LCOR: variants seen among roughly 807,000 people sequenced by gnomAD.
LCOR encodes the protein ligand-dependent corepressor.
Under a neutral mutation model 64.4 loss-of-function variants are expected in LCOR, and 14 were observed. The ratio of observed to expected loss-of-function variants is 0.22; its 90% CI spans 0.14 to 0.34. LCOR has a LOEUF of 0.34. LCOR is among the 10% of genes least tolerant of loss of function. The pLI is 1.00. For missense variants in LCOR, 1,686 were observed against 1,765.3 expected (o/e 0.96, Z 0.80); for synonymous variants, 643 against 642.5 (o/e 1.00, Z -0.01).
chr10:96,884,799 A>G (rs1846315833), intron 2 of LCOR, among the ~76,000 whole-genome samples: 1 of 152,198 alleles, frequency 6.6e-6, no homozygotes, highest in African/African-American at 2.4e-5. Context: ...CTGCCCCTGC[A>G]TATGTATTAA....
rs146472127 is a variant in LCOR at position 96,892,178 on chromosome 10, T to C, written c.-329-15087T>C. On this transcript the variant is annotated intron_variant, in intron 2 of 7. Coordinates refer to ENST00000421806, the MANE Select transcript of LCOR (RefSeq NM_001346516.2). ...TTTTGCTTAGTTGTACCACCCATTA[T>C]TGAAAGTAGGGTGTTGAAGTCTCTA... is the stretch of plus-strand genomic sequence containing the variant. 4.9e-3 allele frequency among the ~76,000 whole-genome samples: 748 copies of C among 152,316 alleles called. 10 individuals are homozygous for C. Among genetic ancestry groups the C allele is most frequent in the African/African-American group, 0.017 (720 of 41,568 alleles).
intron 2 of LCOR, among the ~76,000 whole-genome samples, chr10:96,860,689 G>C (rs1389421015): frequency 1.3e-5 from 2 of 152,178 alleles, no homozygotes; most frequent in African/African-American, 4.8e-5. Flanking sequence ...CTGACCATAA[G>C]TTTTCCCGGT....
chr10:96,886,830 C>T (rs774952842), intron 2 of LCOR, among the ~76,000 whole-genome samples: 15 of 152,162 alleles, frequency 9.9e-5, no homozygotes, highest in Non-Finnish European at 1.8e-4. Flanking sequence ...CCATTTATTC[C>T]TATCTTTAAA....
intron 2 of LCOR, among the ~76,000 whole-genome samples, chr10:96,902,399 T>C (rs1846655532): frequency 6.6e-6 from 1 of 152,160 alleles, no homozygotes; most frequent in African/African-American, 2.4e-5. Flanking sequence ...GGAAGAATTA[T>C]TAATGAATGT....
intron 2 of LCOR, among the ~76,000 whole-genome samples, chr10:96,892,087 C>G (rs780898198): frequency 2.0e-5 from 3 of 152,080 alleles, no homozygotes; most frequent in Non-Finnish European, 4.4e-5. Context: ...TTGGAGTGTT[C>G]TGCATATGTC....
chr10:96,925,523 T>TC (rs756593101), intron 4 of LCOR, among the ~76,000 whole-genome samples: 25 of 152,210 alleles, frequency 1.6e-4, no homozygotes, highest in Non-Finnish European at 3.4e-4. Flanking sequence ...AAGTGATATA[T>TC]CCTCCTTTAT....
chr10:96,967,124 G>A (rs1847959108), intron 7 of LCOR, among the ~76,000 whole-genome samples: 1 of 152,160 alleles, frequency 6.6e-6, no homozygotes, highest in Admixed American at 6.5e-5. Context: ...GCAGTATGGA[G>A]TGATAATGGT....
chr10:96,958,486 T>C, intron 7 of LCOR: 1 of 869,604 alleles, frequency 1.1e-6, no homozygotes, highest in Non-Finnish European at 1.9e-6. Context: ...TTGTATTGTG[T>C]CATTTCAGAT....
intron 2 of LCOR, among the ~76,000 whole-genome samples, chr10:96,853,292 C>T (rs1412715773): frequency 2.6e-5 from 4 of 152,270 alleles, no homozygotes; most frequent in African/African-American, 9.6e-5. Context: ...AAGTGATCTG[C>T]CCGCCTCAGC....
chr10:96,967,282 C>A (rs1011593381), intron 7 of LCOR, among the ~76,000 whole-genome samples: 4 of 152,118 alleles, frequency 2.6e-5, no homozygotes, highest in African/African-American at 9.7e-5. Flanking sequence ...TAGGTGTGTG[C>A]CACCATGCCC....
intron 4 of LCOR, among the ~76,000 whole-genome samples, chr10:96,930,867 G>A (rs922264753): frequency 1.3e-5 from 2 of 152,134 alleles, no homozygotes; most frequent in East Asian, 1.9e-4. Flanking sequence ...ACCAGACACC[G>A]AATGCTGTTG....
At chr10:96,887,576 A>C (rs932705053) in intron 2 of LCOR, among the ~76,000 whole-genome samples, 2 of 152,018 alleles carry the variant, frequency 1.3e-5, no homozygotes, top group East Asian at 1.9e-4. Flanking sequence ...AAAAAAAAAA[A>C]TACTACTTAA....
intron 2 of LCOR, among the ~76,000 whole-genome samples, chr10:96,877,128 G>A (rs1355397860): frequency 6.6e-6 from 1 of 152,148 alleles, no homozygotes; most frequent in East Asian, 1.9e-4. Flanking sequence ...GCCATCTTGT[G>A]TGCTCTCACT....
intron 2 of LCOR, among the ~76,000 whole-genome samples, chr10:96,877,793 A>G (rs1373298393): frequency 6.6e-6 from 1 of 151,650 alleles, no homozygotes; most frequent in Non-Finnish European, 1.5e-5. Flanking sequence ...TTGTATTTTT[A>G]GTAGAGACGG....
chr10:96,904,102 G>A (rs1846687365), intron 2 of LCOR, among the ~76,000 whole-genome samples: 2 of 152,194 alleles, frequency 1.3e-5, no homozygotes, highest in South Asian at 2.1e-4. Flanking sequence ...ACTGGAAACT[G>A]AAGATTCATG....
chr10:96,898,600 G>T (rs557335430), intron 2 of LCOR, among the ~76,000 whole-genome samples: 9 of 152,322 alleles, frequency 5.9e-5, no homozygotes, highest in Admixed American at 3.3e-4. Flanking sequence ...TTATTAATAG[G>T]TGGTGTGATG....
intron 5 of LCOR, among the ~76,000 whole-genome samples, 174 bp from the exon 6 acceptor site, chr10:96,948,834 T>C (rs1265970014): frequency 6.6e-6 from 1 of 152,064 alleles, no homozygotes; most frequent in Non-Finnish European, 1.5e-5. Context: ...TAATAAAAAT[T>C]TTATTTTTAA....
intron 7 of LCOR, among the ~76,000 whole-genome samples, chr10:96,978,398 A>G (rs929677692): frequency 1.3e-5 from 2 of 152,240 alleles, no homozygotes; most frequent in African/African-American, 2.4e-5. Context: ...CAGATAGAAA[A>G]GTACTCAATA....
intron 2 of LCOR, among the ~76,000 whole-genome samples, chr10:96,844,239 C>T (rs1409606219): frequency 6.6e-6 from 1 of 150,898 alleles, no homozygotes; most frequent in Non-Finnish European, 1.5e-5. Context: ...CAGCCTCCGA[C>T]TCCTGGACTC....
Sources: gnomAD v4.1 joint callset for allele counts (sites outside exome capture counted in the v4.1 genomes callset) on GRCh38, gnomAD v4.1.1 for gene constraint, MANE v1.5 for transcripts, NCBI Gene and HGNC (gene_info 2026-07-23, HGNC 2026-07-21) for gene names.